SRCIN1: variants seen among roughly 807,000 people sequenced by gnomAD.
SRCIN1 encodes SRC kinase signaling inhibitor 1.
Under a neutral mutation model 116.2 loss-of-function variants are expected in SRCIN1, and 50 were observed. That is an observed-to-expected ratio of 0.43 (90% CI 0.34 to 0.54). The LOEUF (loss-of-function observed/expected upper bound fraction) is 0.54. SRCIN1 is among the 20% of genes least tolerant of loss of function. The probability of loss-of-function intolerance (pLI) is 0.02; values close to 1 mark genes in which losing one functional copy is unlikely to be tolerated. For missense variants in SRCIN1, 1,446 were observed against 1,672.0 expected (o/e 0.86, Z 2.36); for synonymous variants, 736 against 750.0 (o/e 0.98, Z 0.30).
At position 38,558,462 on chromosome 17, in the gene SRCIN1, A is replaced by G; in HGVS notation, c.2026-60T>C. 1 of 1,522,124 alleles carries G rather than the reference A, an allele frequency of 6.6e-7. No homozygotes were observed. Among genetic ancestry groups the G allele is most frequent in the Non-Finnish European group, 8.8e-7 (1 of 1,141,326 alleles). The allele number at this position is 1,522,124 out of a possible 1,614,324, so 94.3% of individuals were successfully genotyped here. On this transcript the variant is annotated intron_variant, in intron 10 of 18. Coordinates refer to ENST00000617146, the MANE Select transcript of SRCIN1 (RefSeq NM_025248.3). The surrounding 1 kb of genome is among the most constrained non-coding windows in gnomAD (Gnocchi z 4.6). The stretch of plus-strand genomic sequence containing the variant: ...GGGAGCGGAGCCGCGAGGCAGGGGA[A>G]GGGCCGGGAGAAGGCGGGTAGAGGA...
chr17:38,582,315 C>T (rs1211375372), intron 1 of SRCIN1, among the ~76,000 whole-genome samples: 1 of 152,178 alleles, frequency 6.6e-6, no homozygotes, highest in African/African-American at 2.4e-5. Context: ...TGAGTGGTGA[C>T]TGTGGAGTGG....
intron 1 of SRCIN1, among the ~76,000 whole-genome samples, chr17:38,596,337 G>A (rs1001145789): frequency 3.9e-5 from 6 of 152,176 alleles, no homozygotes; most frequent in Non-Finnish European, 7.4e-5. Context: ...GGGCCCCCCA[G>A]GGCAGACAGG....
At chr17:38,560,264 G>A in intron 8 of SRCIN1, 69 bp downstream of exon 8, 3 of 1,501,954 alleles carry the variant, frequency 2.0e-6, no homozygotes, top group Middle Eastern at 1.9e-4. Context: ...TGGCAGAGCC[G>A]ATGCCCATTT....
In SRCIN1 at chr17:38,530,817, A is replaced by G. The variant is rs2040910498; in HGVS notation, c.*2480T>C. On this transcript the variant is annotated 3_prime_UTR_variant, in exon 19 of 19. Coordinates refer to ENST00000617146, the MANE Select transcript of SRCIN1 (RefSeq NM_025248.3). Reference sequence around the variant, plus strand: ...CTAACATGCAGGTAGGCACGTGCCAATGCCCAAACAGGTTACATGCACCTA... The same window carrying G: ...CTAACATGCAGGTAGGCACGTGCCAGTGCCCAAACAGGTTACATGCACCTA... 6.6e-6 allele frequency: 1 copy of G among 152,316 alleles called. No individual in the cohort carries two copies. Among genetic ancestry groups the G allele is most frequent in the Admixed American group, 6.5e-5 (1 of 15,284 alleles). The allele number at this position is 152,316 out of a possible 1,614,324, so 9.4% of individuals were successfully genotyped here.
intron 1 of SRCIN1, among the ~76,000 whole-genome samples, chr17:38,600,748 AG>A (rs1227972078): frequency 2.0e-5 from 3 of 152,224 alleles, no homozygotes; most frequent in East Asian, 3.8e-4. Flanking sequence ...AGCTAGCCAC[AG>A]GCAACTTTGG....
chr17:38,562,658 G>C lies in SRCIN1; in HGVS notation c.834+169C>G, dbSNP rs946922419. On this transcript the variant is annotated intron_variant, in intron 6 of 18. Coordinates refer to ENST00000617146, the MANE Select transcript of SRCIN1 (RefSeq NM_025248.3). This position sits in a 1 kb window ranked among gnomAD's most constrained non-coding sequence, Gnocchi z 4.2. ...GCAAAATCCCGAGTGGACAGGCCCGGAATGGAGGGGAAAGTGGCAGGTGGG... is the reference window on the plus strand; with the variant it reads ...GCAAAATCCCGAGTGGACAGGCCCGCAATGGAGGGGAAAGTGGCAGGTGGG... Among the ~76,000 whole-genome samples, 9 of 152,212 alleles carry C rather than the reference G, an allele frequency of 5.9e-5. No individual in the cohort carries two copies. Among genetic ancestry groups the C allele is most frequent in the Non-Finnish European group, 1.3e-4 (9 of 68,024 alleles).
upstream of SRCIN1, chr17:38,606,029 A>G (rs1385297332): frequency 1.5e-5 from 2 of 129,412 alleles, no homozygotes; most frequent in Non-Finnish European, 3.3e-5. This position sits in a 1 kb window ranked among gnomAD's most constrained non-coding sequence, Gnocchi z 5.2. Context: ...TGTGGCCGGA[A>G]CTTACAAAGG....
At chr17:38,605,567 TCCCCGGCCCGGCCGCCGCCCCCGC>T in intron 1 of SRCIN1, 93 bp downstream of exon 1, 2 of 735,674 alleles carry the variant, frequency 2.7e-6, no homozygotes, top group South Asian at 2.2e-5. Context: ...GGCCACCGCC[TCCCCGGCCCGGCCGCCGCCCCCGC>T]CCCCGGCCGA....
In SRCIN1 at chr17:38,604,170, C is replaced by T. The variant is rs777764002; in HGVS notation, c.22+1514G>A. Among the ~76,000 whole-genome samples, 29 of 152,146 alleles carry T rather than the reference C, an allele frequency of 1.9e-4. No individual in the cohort carries two copies. The highest frequency in any genetic ancestry group is 3.4e-4 in the Non-Finnish European group (23 of 68,020). ...TCACCCAGACCAAGATACCAAGAGT[C>T]GGGAAGAAGGTATCCTGACGACCCC... On this transcript the variant is annotated intron_variant, in intron 1 of 18. Coordinates refer to ENST00000617146, the MANE Select transcript of SRCIN1 (RefSeq NM_025248.3). This position sits in a 1 kb window ranked among gnomAD's most constrained non-coding sequence, Gnocchi z 4.3.
chr17:38,582,545 C>G (rs764940519), intron 1 of SRCIN1, among the ~76,000 whole-genome samples: 4 of 152,196 alleles, frequency 2.6e-5, no homozygotes, highest in African/African-American at 7.2e-5. Flanking sequence ...TCCAGGCCGT[C>G]GCTCAGCCCT....
Position 38,563,481 on chromosome 17 carries a change from C to A in SRCIN1, c.582G>T (p.Val194=), listed in dbSNP as rs904335850. 3.2e-6 allele frequency: 5 copies of A among 1,554,498 alleles called. No individual in the cohort carries two copies. Among genetic ancestry groups the A allele is most frequent in the Non-Finnish European group, 4.4e-6 (5 of 1,148,752 alleles). The change falls in exon 5 of 19, where the codon GTG becomes GTT. Residue 194 remains valine, a synonymous_variant. Coordinates refer to ENST00000617146, the MANE Select transcript of SRCIN1 (RefSeq NM_025248.3). This position sits in a 1 kb window ranked among gnomAD's most constrained non-coding sequence, Gnocchi z 5.8. ...GGCTGCTGACCTCGTGCGTGATGTG[C>A]ACGCGCCGAGTCTCCTCCCCGAACT... ...FLQFGEETRR[V]HITHEVSSLD... is the part of the protein sequence containing the mutation.
rs1034951949 is a variant in SRCIN1, at chr17:38,563,159, G to A, written c.740+164C>T. ...GGGGTGGACGATTTAGGGGGTGGGG[G>A]CTGAGATGGCCGAGGAAGGGGGCGG... On this transcript the variant is annotated intron_variant, in intron 5 of 18. Transcript: ENST00000617146. This position sits in a 1 kb window ranked among gnomAD's most constrained non-coding sequence, Gnocchi z 5.8. 4.6e-5 allele frequency among the ~76,000 whole-genome samples: 7 copies of A among 152,172 alleles called. No individual in the cohort carries two copies. Among genetic ancestry groups the A allele is most frequent in the Admixed American group, 4.6e-4 (7 of 15,282 alleles).
chr17:38,530,798 T>C lies in SRCIN1; in HGVS notation c.*2499A>G, dbSNP rs2040910089. ...ACACAAAGCTCCTCTCACGCTAACATGCAGGTAGGCACGTGCCAATGCCCA... is the reference window on the plus strand; with the variant it reads ...ACACAAAGCTCCTCTCACGCTAACACGCAGGTAGGCACGTGCCAATGCCCA... On this transcript the variant is annotated 3_prime_UTR_variant, in exon 19 of 19. Coordinates refer to ENST00000617146, the MANE Select transcript of SRCIN1 (RefSeq NM_025248.3). 1.3e-5 allele frequency: 2 copies of C among 152,290 alleles called. No individual in the cohort carries two copies. The highest frequency in any genetic ancestry group is 2.9e-5 in the Non-Finnish European group (2 of 68,068). 9.4% of individuals were successfully genotyped at this position (152,290 alleles called of 1,614,324 possible). A position where few individuals can be genotyped will look rare whatever the true frequency, so the allele number is the denominator to read the frequency against.
In SRCIN1 at chr17:38,568,212, T is replaced by C; in HGVS notation, c.344A>G (p.Lys115Arg). ...MREQPNYWSF[K>R]TRSSRHTQGA... ...GGAGCAGAGGCATCACACACTGACC[T>C]TGAAACTCCAGTAGTTTGGCTGCTG... The change falls in exon 3 of 19, where the codon AAG (lysine) becomes AGG (arginine). Residue 115 changes from lysine to arginine, a missense_variant and splice_region_variant. This residue lies in a region of SRCIN1 where 246 missense variants were observed against 265.1 expected (regional missense o/e 0.93). Transcript: ENST00000617146. This position sits in a 1 kb window ranked among gnomAD's most constrained non-coding sequence, Gnocchi z 4.5. 1 of 1,613,340 alleles carries C rather than the reference T, an allele frequency of 6.2e-7. No individual in the cohort carries two copies. The highest frequency in any genetic ancestry group is 8.5e-7 in the Non-Finnish European group (1 of 1,179,700).
intron 1 of SRCIN1, among the ~76,000 whole-genome samples, chr17:38,596,114 G>A (rs969689373): frequency 2.6e-5 from 4 of 152,226 alleles, no homozygotes; most frequent in Non-Finnish European, 5.9e-5. Flanking sequence ...CTTCCCTCCC[G>A]CCGCACGCTG....
chr17:38,543,513 G>A (rs996043283), intron 18 of SRCIN1, among the ~76,000 whole-genome samples: 5 of 152,192 alleles, frequency 3.3e-5, no homozygotes, highest in Admixed American at 2.6e-4. Flanking sequence ...AAACTCGCTC[G>A]CTCGCCCCTC....
At chr17:38,598,671 C>T (rs1322217376) in intron 1 of SRCIN1, among the ~76,000 whole-genome samples, 1 of 152,188 alleles carries the variant, frequency 6.6e-6, no homozygotes, top group Non-Finnish European at 1.5e-5. Context: ...CCCTTCCAGT[C>T]TTGGGTTACT....
intron 1 of SRCIN1, among the ~76,000 whole-genome samples, chr17:38,589,182 C>T (rs1252398266): frequency 6.6e-6 from 1 of 152,228 alleles, no homozygotes; most frequent in Non-Finnish European, 1.5e-5. Flanking sequence ...TCCCAAAGTG[C>T]TGGGCTTACA....
intron 11 of SRCIN1, among the ~76,000 whole-genome samples, chr17:38,557,776 C>T (rs1455764808): frequency 6.6e-6 from 1 of 152,224 alleles, no homozygotes; most frequent in African/African-American, 2.4e-5. Flanking sequence ...ACTCAGAGAT[C>T]AGGGAATCGG....
Sources: allele counts gnomAD v4.1 joint callset (sites outside exome capture counted in the v4.1 genomes callset), GRCh38; gene constraint gnomAD v4.1.1; regional missense constraint gnomAD v4.1.1; non-coding constraint Gnocchi (gnomAD v3.1); transcripts MANE v1.5; gene names NCBI Gene and HGNC (gene_info 2026-07-23, HGNC 2026-07-21).